The following KCNQ1 variants were observed in gnomAD, a reference collection of about 807,000 sequenced individuals.
The protein encoded by KCNQ1 is potassium voltage-gated channel subfamily KQT member 1.
A neutral mutation model predicts 72.4 loss-of-function variants in KCNQ1; 49 were observed. The ratio of observed to expected loss-of-function variants is 0.68; its 90% CI spans 0.54 to 0.86. The LOEUF (loss-of-function observed/expected upper bound fraction) is 0.86, where lower values mean the gene tolerates loss of function less well. Ranked by LOEUF, KCNQ1 falls within the 40% of genes least tolerant of loss-of-function variation. The pLI is 0.00. For synonymous variants in KCNQ1, 450 were observed against 412.6 expected (o/e 1.09, Z -1.10); for missense variants, 790 against 945.1 (o/e 0.84, Z 2.15).
rs1423168917 is a variant in KCNQ1, at chr11:2,720,812, C to T, written c.1515-48032C>T. ...CCTTGGATCATTTGGGGCAAATGGT[C>T]CTCGTTTTCTTCATTATATGGTGTT... On this transcript the variant is annotated intron_variant, in intron 11 of 15. Transcript: ENST00000155840. This position sits in a 1 kb window ranked among gnomAD's most constrained non-coding sequence, Gnocchi z 5.1. Among the ~76,000 whole-genome samples the T allele has an allele frequency of 6.6e-6, 1 of 152,108 alleles. No individual in the cohort carries two copies. The highest frequency in any genetic ancestry group is 1.5e-5 in the Non-Finnish European group (1 of 68,032).
At chr11:2,737,233 TC>T (rs1048533228) in intron 11 of KCNQ1, among the ~76,000 whole-genome samples, 80 of 152,204 alleles carry the variant, frequency 5.3e-4, no homozygotes, top group African/African-American at 1.8e-3. Flanking sequence ...CTGGACTTGT[TC>T]CCAGGGCACC....
chr11:2,701,210 C>T (rs767323445), intron 11 of KCNQ1, among the ~76,000 whole-genome samples: 2 of 152,116 alleles, frequency 1.3e-5, no homozygotes, highest in Non-Finnish European at 2.9e-5. Context: ...CAAGGGTGAC[C>T]GGGTTGGGGG....
At chr11:2,795,808 T>C (rs1397795165) in intron 15 of KCNQ1, among the ~76,000 whole-genome samples, 1 of 152,174 alleles carries the variant, frequency 6.6e-6, no homozygotes, top group East Asian at 1.9e-4. Flanking sequence ...ACGGGTTCCT[T>C]GCCCTGGAGT....
chr11:2,717,127 C>G (rs1005209589), intron 11 of KCNQ1, among the ~76,000 whole-genome samples: 2 of 152,212 alleles, frequency 1.3e-5, no homozygotes, highest in Non-Finnish European at 2.9e-5. Context: ...TGCAGACAAC[C>G]CAAGTCTTCC....
rs1846942539 is a variant in KCNQ1, at chr11:2,787,901, C to T, written c.1794+9864C>T. 1.1e-5 allele frequency among the ~76,000 whole-genome samples: 1 copy of T among 94,384 alleles called. No individual in the cohort carries two copies. Among genetic ancestry groups the T allele is most frequent in the African/African-American group, 4.0e-5 (1 of 24,950 alleles). The allele number at this position is 94,384 out of a possible 152,430, so 61.9% of individuals were successfully genotyped here. ...TTTTAATTTATTAAAATGAAAATTC[C>T]ATTCCTGGATCTCAGTCACCACTTT... is the stretch of plus-strand genomic sequence containing the variant. On this transcript the variant is annotated intron_variant, in intron 15 of 15. Coordinates refer to ENST00000155840, the MANE Select transcript of KCNQ1 (RefSeq NM_000218.3). This position sits in a 1 kb window ranked among gnomAD's most constrained non-coding sequence, Gnocchi z 6.3.
At position 2,826,792 on chromosome 11, in the gene KCNQ1, G is replaced by A. The variant is rs151328470; in HGVS notation, c.1795-20975G>A. Reference sequence around the variant, plus strand: ...GCTTGGAGCCATGCTGGGTGCTGGGGAGACACACTAACCACTTCCCCATAT... The same window carrying A: ...GCTTGGAGCCATGCTGGGTGCTGGGAAGACACACTAACCACTTCCCCATAT... On this transcript the variant is annotated intron_variant, in intron 15 of 15. Transcript: ENST00000155840. This position sits in a 1 kb window ranked among gnomAD's most constrained non-coding sequence, Gnocchi z 4.2. Among the ~76,000 whole-genome samples, 1 of 152,344 alleles carries A rather than the reference G, an allele frequency of 6.6e-6. No individual in the cohort carries two copies. The highest frequency in any genetic ancestry group is 2.4e-5 in the African/African-American group (1 of 41,582).
chr11:2,630,488 G>A (rs541218134), intron 10 of KCNQ1: 48 of 398,070 alleles, frequency 1.2e-4, no homozygotes, highest in East Asian at 4.6e-4. Flanking sequence ...TACTTCCCCC[G>A]CTACATTTTA....
intron 10 of KCNQ1, chr11:2,631,912 G>A: frequency 2.5e-6 from 1 of 397,788 alleles, no homozygotes; most frequent in East Asian, 3.6e-5. Flanking sequence ...GCTGGGCGCA[G>A]TGGCTCACGC....
intron 11 of KCNQ1, among the ~76,000 whole-genome samples, chr11:2,727,570 A>G (rs995996448): frequency 6.6e-6 from 1 of 152,174 alleles, no homozygotes; most frequent in Non-Finnish European, 1.5e-5. Context: ...CAGCAGCTCC[A>G]CGGCAGGGAG....
chr11:2,701,346 C>T (rs927823553), intron 11 of KCNQ1, among the ~76,000 whole-genome samples: 1 of 152,192 alleles, frequency 6.6e-6, no homozygotes, highest in African/African-American at 2.4e-5. Context: ...CTGCTCAGCC[C>T]ACAGGCAATC....
intron 15 of KCNQ1, among the ~76,000 whole-genome samples, chr11:2,836,739 C>T (rs1451318229): frequency 6.6e-6 from 1 of 152,244 alleles, no homozygotes; most frequent in East Asian, 1.9e-4. Context: ...CACGCCTCGC[C>T]TCACTCGTGC....
In KCNQ1 at chr11:2,785,949, T is replaced by C. The variant is rs777355672; in HGVS notation, c.1794+7912T>C. On this transcript the variant is annotated intron_variant, in intron 15 of 15. Coordinates refer to ENST00000155840, the MANE Select transcript of KCNQ1 (RefSeq NM_000218.3). This position sits in a 1 kb window ranked among gnomAD's most constrained non-coding sequence, Gnocchi z 4.4. ...CCCCTGACTTAGTACTTTGCTGTTG[T>C]ATATTTTAGTTGAACTGTGTTTAAT... is the stretch of plus-strand genomic sequence containing the variant. Among the ~76,000 whole-genome samples the C allele has an allele frequency of 6.6e-6, 1 of 152,120 alleles. No homozygotes were observed. Among genetic ancestry groups the C allele is most frequent in the Non-Finnish European group, 1.5e-5 (1 of 67,946 alleles).
At chr11:2,540,041 G>A (rs892168864) in intron 2 of KCNQ1, among the ~76,000 whole-genome samples, 6 of 152,156 alleles carry the variant, frequency 3.9e-5, no homozygotes, top group South Asian at 4.1e-4. Flanking sequence ...GGCACTGCAC[G>A]TGGGGCTCCT....
At position 2,481,596 on chromosome 11, in the gene KCNQ1, A is replaced by T. The variant is rs1052608602; in HGVS notation, c.386+36112A>T. Among the ~76,000 whole-genome samples the T allele has an allele frequency of 2.0e-5, 3 of 152,194 alleles. No homozygotes were observed. Among genetic ancestry groups the T allele is most frequent in the Non-Finnish European group, 2.9e-5 (2 of 68,040 alleles). ...GTGGCAGGTGAGCAAGTGAAGCTTC[A>T]TCTGTATTTACAGTCACTCCCCATC... On this transcript the variant is annotated intron_variant, in intron 1 of 15. Transcript: ENST00000155840. The surrounding 1 kb of genome is among the most constrained non-coding windows in gnomAD (Gnocchi z 4.6).
At chr11:2,743,375 G>A (rs878970699) in intron 11 of KCNQ1, among the ~76,000 whole-genome samples, 6 of 152,204 alleles carry the variant, frequency 3.9e-5, no homozygotes, top group African/African-American at 1.4e-4. Context: ...CCTGGCACAG[G>A]CCTCAGAGCA....
Position 2,621,760 on chromosome 11 carries a change from C to T in KCNQ1, c.1393+32906C>T, listed in dbSNP as rs1849176148. The T allele has an allele frequency of 2.5e-6, 1 of 398,288 alleles. No homozygotes were observed. Among genetic ancestry groups the T allele is most frequent in the Admixed American group, 4.4e-5 (1 of 22,724 alleles). The allele number at this position is 398,288 out of a possible 1,614,324, so 24.7% of individuals were successfully genotyped here. ...CCATTTTCATTTCTGATTTTGTCCT[C>T]TTTCTTAGTCCAAGAGTTTGTTGAT... On this transcript the variant is annotated intron_variant, in intron 10 of 15. Transcript: ENST00000155840. The surrounding 1 kb of genome is among the most constrained non-coding windows in gnomAD (Gnocchi z 5.7).
chr11:2,644,333 ATTCT>A (rs1158048298), intron 10 of KCNQ1: 9 of 398,096 alleles, frequency 2.3e-5, no homozygotes, highest in Middle Eastern at 6.3e-4. Context: ...AAGGTGTGAA[ATTCT>A]TTCTTCTGCT....
In KCNQ1 at chr11:2,570,642, G is replaced by A. The variant is rs1357772245; in HGVS notation, c.492G>A (p.Val164=). 5.6e-6 allele frequency: 9 copies of A among 1,612,748 alleles called. No homozygotes were observed. Among genetic ancestry groups the A allele is most frequent in the Admixed American group, 1.7e-5 (1 of 60,022 alleles). Residue 164 remains valine, a synonymous_variant, in exon 3 of 16, where the codon GTG becomes GTA. Coordinates refer to ENST00000155840, the MANE Select transcript of KCNQ1 (RefSeq NM_000218.3). ...GTLFWMEIVL[V]VFFGTEYVVR... ...TGTCCCTGCAGGAGATCGTGCTGGT[G>A]GTGTTCTTCGGGACGGAGTACGTGG...
intron 11 of KCNQ1, chr11:2,675,144 C>A: frequency 2.5e-6 from 1 of 398,628 alleles, no homozygotes; most frequent in East Asian, 3.6e-5. Flanking sequence ...CCATCCTTCA[C>A]CCTATTAGAG....
Sources: gnomAD v4.1 joint callset for allele counts (sites outside exome capture counted in the v4.1 genomes callset) on GRCh38, gnomAD v4.1.1 for gene constraint, Gnocchi (gnomAD v3.1) non-coding constraint, MANE v1.5 for transcripts, NCBI Gene and HGNC (gene_info 2026-07-23, HGNC 2026-07-21) for gene names.